MAGI2: variants seen among roughly 807,000 people sequenced by gnomAD.
MAGI2 encodes membrane associated guanylate kinase, WW and PDZ domain containing 2, also known as membrane-associated guanylate kinase, WW and PDZ domain-containing protein 2.
A neutral mutation model predicts 133.3 loss-of-function variants in MAGI2; 35 were observed. The observed-to-expected ratio is 0.26, with a 90% CI of 0.20 to 0.35. The LOEUF is 0.35. MAGI2 is among the 10% of genes least tolerant of loss of function. The pLI, the probability that MAGI2 is intolerant of heterozygous loss-of-function variation, is 1.00. For missense variants in MAGI2, 1,636 were observed against 1,863.4 expected, an observed-to-expected ratio of 0.88 and a Z score of 2.25; for synonymous variants, 729 against 710.6, an observed-to-expected ratio of 1.03 and a Z score of -0.41.
intron 2 of MAGI2, among the ~76,000 whole-genome samples, chr7:78,774,721 A>G (rs1476730029): frequency 6.6e-6 from 1 of 152,124 alleles, no homozygotes; most frequent in Non-Finnish European, 1.5e-5. Context: ...GACACACCTA[A>G]GCATATCCAA....
chr7:78,573,259 TATAAATA>T (rs1801807009), intron 3 of MAGI2, among the ~76,000 whole-genome samples: 1 of 16,454 alleles, frequency 6.1e-5, no homozygotes, highest in African/African-American at 1.9e-4. Context: ...TATATATAAA[TATAAATA>T]TATATAAATA....
At chr7:78,799,761 C>T (rs886652433) in intron 2 of MAGI2, among the ~76,000 whole-genome samples, 10 of 152,170 alleles carry the variant, frequency 6.6e-5, no homozygotes, top group African/African-American at 2.4e-4. Context: ...TTGGTTGAAG[C>T]TGTGCAGTGC....
At position 78,594,373 on chromosome 7, in the gene MAGI2, C is replaced by A. The variant is rs112662166; in HGVS notation, c.538+32747G>T. ...AAGAGCCAGTGACTTTATACAAAGG[C>A]TGGAATGTAACAAAAGCCCACCAAG... On this transcript the variant is annotated intron_variant, in intron 3 of 21. Transcript: ENST00000354212. 7.6e-4 allele frequency among the ~76,000 whole-genome samples: 116 copies of A among 152,282 alleles called. 2 individuals carry two copies. The highest frequency in any genetic ancestry group is 2.6e-3 in the African/African-American group (110 of 41,554).
chr7:79,175,007 G>A (rs1024851067), intron 1 of MAGI2, among the ~76,000 whole-genome samples: 7 of 151,682 alleles, frequency 4.6e-5, no homozygotes, highest in Non-Finnish European at 7.4e-5. Context: ...GTTTAGTTTC[G>A]TCCAAAGAAG....
intron 7 of MAGI2, among the ~76,000 whole-genome samples, chr7:78,353,761 G>A (rs1791768024): frequency 6.6e-6 from 1 of 152,164 alleles, no homozygotes; most frequent in African/African-American, 2.4e-5. Flanking sequence ...ATTCAATTCT[G>A]CCTACCTAGA....
intron 1 of MAGI2, among the ~76,000 whole-genome samples, chr7:79,121,402 A>G (rs1273777135): frequency 6.6e-6 from 1 of 151,936 alleles, no homozygotes; most frequent in East Asian, 1.9e-4. Flanking sequence ...AATGTTTGGA[A>G]CCTTTCTTTT....
chr7:78,648,127 C>T (rs913793797), intron 2 of MAGI2, among the ~76,000 whole-genome samples: 3 of 152,062 alleles, frequency 2.0e-5, no homozygotes, highest in Admixed American at 6.6e-5. Context: ...CACATGTACC[C>T]TAGAATTTAA....
intron 15 of MAGI2, among the ~76,000 whole-genome samples, chr7:78,165,969 T>C (rs1394019542): frequency 6.6e-6 from 1 of 152,248 alleles, no homozygotes; most frequent in African/African-American, 2.4e-5. Flanking sequence ...CTGATGAAGC[T>C]TTCAAGGAAG....
intron 1 of MAGI2, among the ~76,000 whole-genome samples, chr7:79,343,879 A>G (rs7806210): frequency 0.15 from 22,779 of 152,166 alleles, 1,812 homozygotes; most frequent in South Asian, 0.26. Flanking sequence ...CACTTAATCA[A>G]TTACATCCAT....
At position 78,286,965 on chromosome 7, in the gene MAGI2, C is replaced by T. The variant is rs798337; in HGVS notation, c.1409-30384G>A. Among the ~76,000 whole-genome samples, 474 of 152,060 alleles carry T rather than the reference C, an allele frequency of 3.1e-3. 2 individuals are homozygous for T. The highest frequency in any genetic ancestry group is 5.8e-3 in the Non-Finnish European group (396 of 67,982). ...GTGAATGTAGCCGGATGGAATACTG[C>T]GACATAAGGCTGCACATGGTAAGTT... On this transcript the variant is annotated intron_variant, in intron 9 of 21. Transcript: ENST00000354212.
At chr7:78,727,021 G>C (rs952436380) in intron 2 of MAGI2, among the ~76,000 whole-genome samples, 2 of 151,698 alleles carry the variant, frequency 1.3e-5, no homozygotes, top group Admixed American at 6.6e-5. Context: ...AGTGCACTTT[G>C]TATCAGCATT....
intron 2 of MAGI2, among the ~76,000 whole-genome samples, chr7:78,734,590 C>T (rs1365738816): frequency 5.9e-5 from 9 of 152,162 alleles, no homozygotes; most frequent in African/African-American, 9.7e-5. Context: ...CTATGTGACC[C>T]GCTTCAGACA....
intron 9 of MAGI2, among the ~76,000 whole-genome samples, chr7:78,315,652 TA>T (rs1212399557): frequency 6.6e-6 from 1 of 152,222 alleles, no homozygotes; most frequent in Non-Finnish European, 1.5e-5. Context: ...GATCAGAATC[TA>T]TTATATTCAG....
chr7:79,186,191 A>T lies in MAGI2; in HGVS notation c.302-178985T>A, dbSNP rs201288139. On this transcript the variant is annotated intron_variant, in intron 1 of 21. Transcript: ENST00000354212. The stretch of plus-strand genomic sequence containing the variant: ...GAGGCCAGCCCTATTTGCCTGGGAA[A>T]ATATATATATATATATATATATATA... Among the ~76,000 whole-genome samples the T allele has an allele frequency of 4.5e-4, 50 of 111,800 alleles. 2 individuals carry two copies. Among genetic ancestry groups the T allele is most frequent in the African/African-American group, 1.8e-3 (35 of 19,406 alleles). 73.3% of individuals were successfully genotyped at this position (111,800 alleles called of 152,430 possible).
At chr7:78,445,965 T>G (rs1788090224) in intron 6 of MAGI2, among the ~76,000 whole-genome samples, 1 of 151,858 alleles carries the variant, frequency 6.6e-6, no homozygotes, top group Non-Finnish European at 1.5e-5. Context: ...TTTATTGCCT[T>G]TACTATTGCT....
rs56067645 is a variant in MAGI2, at chr7:78,671,870, C to T, written c.419-44631G>A. Among the ~76,000 whole-genome samples, 934 of 152,206 alleles carry T rather than the reference C, an allele frequency of 6.1e-3. 12 individuals carry two copies. The highest frequency in any genetic ancestry group is 0.022 in the African/African-American group (899 of 41,542). ...AGGAAATATAAAAATGAAGATATCA[C>T]GCTTAATCTCTATATTTCTATGTGA... On this transcript the variant is annotated intron_variant, in intron 2 of 21. Transcript: ENST00000354212.
intron 1 of MAGI2, among the ~76,000 whole-genome samples, chr7:79,325,326 CCTT>C (rs1359770906): frequency 3.3e-5 from 5 of 152,072 alleles, no homozygotes; most frequent in Non-Finnish European, 7.4e-5. Context: ...CCTGGAATGT[CCTT>C]CTTGAGACTT....
At chr7:78,496,973 A>G (rs1285141996) in intron 5 of MAGI2, among the ~76,000 whole-genome samples, 1 of 152,144 alleles carries the variant, frequency 6.6e-6, no homozygotes, top group African/African-American at 2.4e-5. Context: ...TTACCTCTAA[A>G]AGTCTCAGTT....
chr7:78,568,791 T>C (rs970651717), intron 3 of MAGI2, among the ~76,000 whole-genome samples: 3 of 151,676 alleles, frequency 2.0e-5, no homozygotes, highest in African/African-American at 7.3e-5. Context: ...TTAATAAAGC[T>C]GAAAAAAAAA....
Sources: allele counts gnomAD v4.1 joint callset (sites outside exome capture counted in the v4.1 genomes callset), GRCh38; gene constraint gnomAD v4.1.1; transcripts MANE v1.5; gene names NCBI Gene and HGNC (gene_info 2026-07-23, HGNC 2026-07-21).